The following AMZ2 variants were observed in gnomAD, a reference collection of about 807,000 sequenced individuals.
The protein encoded by AMZ2 is archaelysin family metallopeptidase 2.
AMZ2 carries 26 observed loss-of-function variants against 36.7 expected under a neutral mutation model. The ratio of observed to expected loss-of-function variants is 0.71; its 90% CI spans 0.52 to 0.98. The LOEUF is 0.98. Among genes scored for constraint, AMZ2 ranks in the 50% least tolerant of loss-of-function variants. AMZ2 has a pLI of 0.00. For synonymous variants in AMZ2, 144 were observed against 149.1 expected (o/e 0.97, Z 0.25); for missense variants, 394 against 430.5 (o/e 0.92, Z 0.75).
intron 6 of AMZ2, 58 bp from the exon 7 acceptor site, chr17:68,256,756 T>C: frequency 1.9e-6 from 3 of 1,572,548 alleles, no homozygotes; most frequent in Non-Finnish European, 2.6e-6. Flanking sequence ...TGCTTCTCTC[T>C]TGCCTGATGG....
At chr17:68,229,999 A>T (rs1555730821) in intron 1 of AMZ2, among the ~76,000 whole-genome samples, 1 of 152,184 alleles carries the variant, frequency 6.6e-6, no homozygotes, top group African/African-American at 2.4e-5. Flanking sequence ...CCACCAAGAT[A>T]TCCTAAGGCG....
intron 1 of AMZ2, among the ~76,000 whole-genome samples, chr17:68,218,189 G>C (rs2073252094): frequency 6.6e-6 from 1 of 152,144 alleles, no homozygotes; most frequent in Non-Finnish European, 1.5e-5. Flanking sequence ...TTAGAGGTCA[G>C]TTTTCATTCA....
chr17:68,241,406 A>G (rs1435070229), intron 1 of AMZ2, among the ~76,000 whole-genome samples: 3 of 152,216 alleles, frequency 2.0e-5, no homozygotes, highest in African/African-American at 7.2e-5. Context: ...TTCAACCAAA[A>G]TTTATGATAG....
intron 1 of AMZ2, among the ~76,000 whole-genome samples, chr17:68,216,281 G>A (rs1390115743): frequency 5.3e-5 from 8 of 152,056 alleles, no homozygotes; most frequent in Non-Finnish European, 1.0e-4. Flanking sequence ...CTACAGGCAT[G>A]TGCCACCACG....
In AMZ2 at chr17:68,254,563, G is replaced by C; in HGVS notation, c.746G>C (p.Cys249Ser). The C allele has an allele frequency of 1.2e-6, 2 of 1,609,286 alleles. No individual in the cohort carries two copies. Among genetic ancestry groups the C allele is most frequent in the Non-Finnish European group, 1.7e-6 (2 of 1,177,150 alleles). Residue 249 changes from cysteine (C) to serine (S), a missense_variant, in exon 5 of 7, where the codon TGT (cysteine) becomes TCT (serine). Transcript: ENST00000359904. Reference protein sequence around the residue: ...EITSVLLLRSCKTLTHEIGHI... With the variant: ...EITSVLLLRSSKTLTHEIGHI... ...ACTAGTGTTTTACTACTTCGATCCTGTAAGGTAAGTTATTACAAAAATCTG... is the reference window on the plus strand; with the variant it reads ...ACTAGTGTTTTACTACTTCGATCCTCTAAGGTAAGTTATTACAAAAATCTG...
At chr17:68,215,496 A>G (rs1445985321) in intron 1 of AMZ2, among the ~76,000 whole-genome samples, 1 of 137,194 alleles carries the variant, frequency 7.3e-6, no homozygotes, top group African/African-American at 2.7e-5. Flanking sequence ...GGAGGTTGCA[A>G]TGAGCCGAGA....
At chr17:68,245,435 T>TG (rs1205086350), upstream of AMZ2, among the ~76,000 whole-genome samples, 3 of 151,492 alleles carry the variant, frequency 2.0e-5, no homozygotes, top group African/African-American at 4.8e-5. Flanking sequence ...TTTTTAGAGA[T>TG]GGGGTCTCCC....
At chr17:68,236,875 C>T (rs754744542) in intron 1 of AMZ2, among the ~76,000 whole-genome samples, 84 of 152,212 alleles carry the variant, frequency 5.5e-4, no homozygotes, top group Middle Eastern at 3.4e-3. Context: ...CCACCATGCC[C>T]GGCCCAAACA....
chr17:68,211,470 T>G (rs546158262), intron 1 of AMZ2, among the ~76,000 whole-genome samples: 1 of 147,930 alleles, frequency 6.8e-6, no homozygotes, highest in South Asian at 2.1e-4. Flanking sequence ...ACCACTGCAC[T>G]CCAGCCTGGG....
chr17:68,247,983 C>A, upstream of AMZ2: 4 of 984,620 alleles, frequency 4.1e-6, no homozygotes, highest in Non-Finnish European at 4.8e-6. Context: ...AGGGCGTGCG[C>A]GACGCAGCGG....
At chr17:68,249,952 G>C (rs1401243946) in intron 1 of AMZ2, 2 of 496,730 alleles carry the variant, frequency 4.0e-6, no homozygotes, top group Non-Finnish European at 7.1e-6. Flanking sequence ...ACTAGTTTTT[G>C]TAATGGGAGC....
At chr17:68,239,006 C>G (rs1362308365) in intron 1 of AMZ2, among the ~76,000 whole-genome samples, 2 of 152,114 alleles carry the variant, frequency 1.3e-5, no homozygotes, top group African/African-American at 4.8e-5. Flanking sequence ...TTGTTTGGAC[C>G]AAAGAATGTG....
upstream of AMZ2, among the ~76,000 whole-genome samples, chr17:68,243,443 A>T (rs1782992800): frequency 6.6e-6 from 1 of 152,204 alleles, no homozygotes; most frequent in Non-Finnish European, 1.5e-5. Context: ...CTGAGAAATG[A>T]TTTTAAATAG....
chr17:68,230,269 T>C (rs2144594691), intron 1 of AMZ2, among the ~76,000 whole-genome samples: 1 of 152,310 alleles, frequency 6.6e-6, no homozygotes, highest in South Asian at 2.1e-4. Context: ...GATGGGAGTT[T>C]CACCATGTTG....
At chr17:68,211,752 ATGTATATGTATATATG>A (rs1255124785) in intron 1 of AMZ2, among the ~76,000 whole-genome samples, 6 of 132,884 alleles carry the variant, frequency 4.5e-5, no homozygotes, top group Admixed American at 1.5e-4. Context: ...ATATGTATAT[ATGTATATGTATATATG>A]TGTATATGTA....
At chr17:68,230,316 C>T (rs1385425577) in intron 1 of AMZ2, among the ~76,000 whole-genome samples, 1 of 152,218 alleles carries the variant, frequency 6.6e-6, no homozygotes, top group Non-Finnish European at 1.5e-5. Context: ...CCAGGTGATC[C>T]ACTCGCCTCG....
intron 1 of AMZ2, among the ~76,000 whole-genome samples, chr17:68,240,592 A>G (rs8073506): frequency 0.099 from 15,133 of 152,236 alleles, 855 homozygotes; most frequent in Non-Finnish European, 0.12. Flanking sequence ...TGAAAGGATA[A>G]GAGTCTCAGT....
At chr17:68,206,136 G>A (rs1719306750) in exon 1 of AMZ2, 2 of 1,307,790 alleles carry the variant, frequency 1.5e-6, no homozygotes, top group South Asian at 3.2e-5. Context: ...GGAGGAGGAC[G>A]AGGCTGATTC....
intron 4 of AMZ2, 119 bp downstream of exon 4, chr17:68,251,297 G>A: frequency 1.0e-6 from 1 of 1,001,326 alleles, no homozygotes; most frequent in Non-Finnish European, 1.4e-6. Flanking sequence ...ATTTTCAGTT[G>A]AGACATTATG....
Sources: gnomAD v4.1 joint callset for allele counts (sites outside exome capture counted in the v4.1 genomes callset) on GRCh38, gnomAD v4.1.1 for gene constraint, MANE v1.5 for transcripts, NCBI Gene and HGNC (gene_info 2026-07-23, HGNC 2026-07-21) for gene names.